Variants in FMNL2 observed in about 807,000 individuals in gnomAD.
FMNL2 encodes the protein formin-like protein 2.
FMNL2 carries 51 observed loss-of-function variants against 130.2 expected under a neutral mutation model. The ratio of observed to expected loss-of-function variants is 0.39; its 90% CI spans 0.31 to 0.49. The LOEUF (loss-of-function observed/expected upper bound fraction) is 0.49, where lower values mean the gene tolerates loss of function less well. Among genes scored for constraint, FMNL2 ranks in the 20% least tolerant of loss-of-function variants. FMNL2 has a pLI of 0.85. For missense variants in FMNL2, 977 were observed against 1,316.2 expected, an observed-to-expected ratio of 0.74 and a Z score of 3.99; for synonymous variants, 465 against 467.1, an observed-to-expected ratio of 1.00 and a Z score of 0.06.
intron 7 of FMNL2, 35 bp from the exon 8 acceptor site, chr2:152,578,853 C>T (rs780853979): frequency 5.7e-6 from 9 of 1,568,404 alleles, no homozygotes; most frequent in South Asian, 3.5e-5. Context: ...TCTCCCAATG[C>T]TTTGTGTTTC....
intron 1 of FMNL2, among the ~76,000 whole-genome samples, chr2:152,374,630 C>T (rs1684062036): frequency 6.6e-6 from 1 of 152,154 alleles, no homozygotes; most frequent in African/African-American, 2.4e-5. Flanking sequence ...AAACTAGAGA[C>T]ATAGACCAGC....
rs60639670 is a variant in FMNL2 at position 152,431,965 on chromosome 2, T to TA, written c.118-89958dup. ...GGGCAACAGAGTGAAACCCTATCTT[T>TA]AAAAAAAAAAAAAAAAAAAAGATTT... On this transcript the variant is annotated intron_variant, in intron 1 of 25. Transcript: ENST00000288670. Among the ~76,000 whole-genome samples, 253 of 82,142 alleles carry TA rather than the reference T, an allele frequency of 3.1e-3. 7 individuals are homozygous for TA. Among genetic ancestry groups the TA allele is most frequent in the East Asian group, 9.3e-3 (27 of 2,912 alleles). 53.9% of individuals were successfully genotyped at this position (82,142 alleles called of 152,430 possible). A position where few individuals can be genotyped will look rare whatever the true frequency, so the allele number is the denominator to read the frequency against.
intron 1 of FMNL2, among the ~76,000 whole-genome samples, chr2:152,387,836 T>G (rs1448428309): frequency 2.9e-5 from 4 of 139,002 alleles, no homozygotes; most frequent in African/African-American, 1.1e-4. Context: ...TTTTTTTTTG[T>G]AGAGGTGGTG....
In FMNL2 at chr2:152,336,054, A is replaced by C. The variant is rs1386803497; in HGVS notation, c.117+334A>C. Among the ~76,000 whole-genome samples, 4 of 149,742 alleles carry C rather than the reference A, an allele frequency of 2.7e-5. 1 individual carries two copies. The East Asian group carries it at 7.9e-4, about 30-fold the overall frequency. ...TGAAGAGAAGGTGGCGCGGGCTGGG[A>C]GGAGGAGGTGGCGAGCCGCTTAGGC... On this transcript the variant is annotated intron_variant, in intron 1 of 25. Transcript: ENST00000288670.
chr2:152,420,794 G>A (rs944176372), intron 1 of FMNL2, among the ~76,000 whole-genome samples: 3 of 152,086 alleles, frequency 2.0e-5, no homozygotes, highest in African/African-American at 4.8e-5. Flanking sequence ...CTTCTGTGAC[G>A]GTACCTTTGT....
chr2:152,448,789 T>C lies in FMNL2; in HGVS notation c.118-73154T>C, dbSNP rs550781815. Among the ~76,000 whole-genome samples, 499 of 152,286 alleles carry C rather than the reference T, an allele frequency of 3.3e-3. 2 individuals are homozygous for C. Among genetic ancestry groups the C allele is most frequent in the Non-Finnish European group, 5.5e-3 (375 of 68,022 alleles). ...AAAAACATTTTTTGCAAAAAGAAAA[T>C]CCTTGGAGAGTGCTGCTTTGATAAG... On this transcript the variant is annotated intron_variant, in intron 1 of 25. Coordinates refer to ENST00000288670, the MANE Select transcript of FMNL2 (RefSeq NM_052905.4).
intron 25 of FMNL2, chr2:152,643,831 A>T: frequency 1.5e-5 from 15 of 985,424 alleles, no homozygotes; most frequent in Non-Finnish European, 1.8e-5. Context: ...CTTCTTTGAG[A>T]ATCAGTATTG....
At chr2:152,564,934 C>T (rs1330150936) in intron 6 of FMNL2, among the ~76,000 whole-genome samples, 1 of 152,004 alleles carries the variant, frequency 6.6e-6, no homozygotes, top group Non-Finnish European at 1.5e-5. Flanking sequence ...TTCTGTATTA[C>T]CATGTATTTG....
At chr2:152,405,152 G>C (rs765291534) in intron 1 of FMNL2, among the ~76,000 whole-genome samples, 3 of 152,190 alleles carry the variant, frequency 2.0e-5, no homozygotes, top group Admixed American at 1.3e-4. Flanking sequence ...CTGGCATCTA[G>C]CTGCTTGTAT....
At chr2:152,586,653 C>T (rs77261514) in intron 9 of FMNL2, among the ~76,000 whole-genome samples, 36 of 152,286 alleles carry the variant, frequency 2.4e-4, no homozygotes, top group South Asian at 1.0e-3. Flanking sequence ...GTAGGAGCCA[C>T]AGCCGTAGAG....
intron 1 of FMNL2, among the ~76,000 whole-genome samples, chr2:152,514,840 G>A (rs975758768): frequency 2.6e-5 from 4 of 152,076 alleles, no homozygotes; most frequent in Non-Finnish European, 4.4e-5. Context: ...CTGAAATAGC[G>A]AAATAACAGA....
intron 1 of FMNL2, among the ~76,000 whole-genome samples, chr2:152,408,046 G>T (rs562013176): frequency 6.6e-6 from 1 of 152,254 alleles, no homozygotes; most frequent in South Asian, 2.1e-4. Flanking sequence ...GACATATGGG[G>T]GCTGGAAGGT....
At chr2:152,549,855 T>C (rs1381790510) in intron 4 of FMNL2, among the ~76,000 whole-genome samples, 3 of 152,224 alleles carry the variant, frequency 2.0e-5, no homozygotes, top group African/African-American at 4.8e-5. Flanking sequence ...CTGCGTAACA[T>C]TGGGCAAGCT....
intron 1 of FMNL2, among the ~76,000 whole-genome samples, chr2:152,475,034 C>T (rs545478732): frequency 2.0e-5 from 3 of 152,310 alleles, no homozygotes; most frequent in African/African-American, 7.2e-5. Flanking sequence ...GTCATTTCGT[C>T]TTCCAAAACC....
At chr2:152,353,660 C>G (rs1401615690) in intron 1 of FMNL2, among the ~76,000 whole-genome samples, 1 of 152,134 alleles carries the variant, frequency 6.6e-6, no homozygotes, top group Non-Finnish European at 1.5e-5. Context: ...AGCTCAAGAG[C>G]TACCTTTTTG....
At chr2:152,581,175 T>C (rs1018333303) in intron 9 of FMNL2, 126 bp downstream of exon 9, 1 of 732,138 alleles carries the variant, frequency 1.4e-6, no homozygotes, top group Non-Finnish European at 2.1e-6. Context: ...TTCTAAGATC[T>C]CACTGAGAGG....
intron 18 of FMNL2, among the ~76,000 whole-genome samples, chr2:152,629,392 T>G (rs1483520088): frequency 6.6e-6 from 1 of 152,216 alleles, no homozygotes; most frequent in Admixed American, 6.5e-5. Flanking sequence ...GGTTGTAGAT[T>G]GGTTACAGAT....
chr2:152,425,894 T>A (rs1453596876), intron 1 of FMNL2, among the ~76,000 whole-genome samples: 1 of 152,230 alleles, frequency 6.6e-6, no homozygotes, highest in Non-Finnish European at 1.5e-5. Flanking sequence ...GGAAACAAAC[T>A]GTATTAACTT....
chr2:152,632,456 C>T (rs533388715), intron 21 of FMNL2, among the ~76,000 whole-genome samples: 1 of 152,316 alleles, frequency 6.6e-6, no homozygotes, highest in East Asian at 1.9e-4. Context: ...TGAGAATCAT[C>T]ACCCAACAAA....
Sources: gnomAD v4.1 joint callset for allele counts (sites outside exome capture counted in the v4.1 genomes callset) on GRCh38, gnomAD v4.1.1 for gene constraint, MANE v1.5 for transcripts, NCBI Gene and HGNC (gene_info 2026-07-23, HGNC 2026-07-21) for gene names.